The following PRKD1 variants were observed in gnomAD, a reference collection of about 807,000 sequenced individuals.
PRKD1 encodes protein kinase D1, also known as serine/threonine-protein kinase D1.
PRKD1 carries 63 observed loss-of-function variants against 95.9 expected under a neutral mutation model. The ratio of observed to expected loss-of-function variants is 0.66; its 90% confidence interval spans 0.54 to 0.81. PRKD1 has a LOEUF of 0.81. Among genes scored for constraint, PRKD1 ranks in the 30% least tolerant of loss-of-function variants. The pLI is 0.00. For missense variants in PRKD1, 1,048 were observed against 1,165.3 expected (o/e 0.90, Z 1.47); for synonymous variants, 425 against 423.1 (o/e 1.00, Z -0.05).
intron 1 of PRKD1, among the ~76,000 whole-genome samples, chr14:29,917,817 A>T (rs1210602363): frequency 6.6e-6 from 1 of 152,182 alleles, no homozygotes; most frequent in Non-Finnish European, 1.5e-5. Context: ...AAACAAAATA[A>T]AACATAACGC....
intron 1 of PRKD1, among the ~76,000 whole-genome samples, chr14:29,863,795 G>A (rs1026550891): frequency 1.3e-5 from 2 of 152,144 alleles, no homozygotes; most frequent in East Asian, 3.9e-4. Flanking sequence ...CATTATATCT[G>A]GAGAACTGTG....
At chr14:29,622,389 T>TTCCTTCCTTCA (rs1566492875) in intron 13 of PRKD1, among the ~76,000 whole-genome samples, 1 of 13,130 alleles carries the variant, frequency 7.6e-5, no homozygotes, top group Non-Finnish European at 1.6e-4. Flanking sequence ...TCCTTCCTTC[T>TTCCTTCCTTCA]TTCCTTCCTT....
At chr14:29,643,832 T>A (rs1880956723) in intron 4 of PRKD1, among the ~76,000 whole-genome samples, 1 of 152,180 alleles carries the variant, frequency 6.6e-6, no homozygotes, top group Admixed American at 6.5e-5. Flanking sequence ...AAAAAATGGC[T>A]CAAATGAAAA....
intron 13 of PRKD1, among the ~76,000 whole-genome samples, chr14:29,605,789 T>C (rs936589133): frequency 1.3e-5 from 2 of 152,236 alleles, no homozygotes; most frequent in Admixed American, 6.5e-5. Flanking sequence ...TTACTTTTCA[T>C]TAAGTGAATA....
At chr14:29,579,390 T>C (rs1444853130) in intron 16 of PRKD1, among the ~76,000 whole-genome samples, 2 of 152,132 alleles carry the variant, frequency 1.3e-5, no homozygotes, top group Non-Finnish European at 2.9e-5. Flanking sequence ...GAGTTAATTT[T>C]TGCCCTTAAC....
intron 1 of PRKD1, among the ~76,000 whole-genome samples, chr14:29,745,562 G>A (rs1199378482): frequency 6.6e-6 from 1 of 152,094 alleles, no homozygotes. Context: ...TTGAACTCCT[G>A]GGCTCAAGCA....
intron 13 of PRKD1, among the ~76,000 whole-genome samples, chr14:29,623,491 A>G (rs1879414042): frequency 6.6e-6 from 1 of 152,222 alleles, no homozygotes; most frequent in Non-Finnish European, 1.5e-5. Flanking sequence ...GAATTTATCA[A>G]TGATCTCAAC....
At chr14:29,685,913 AAGAC>A (rs1396439653) in intron 2 of PRKD1, among the ~76,000 whole-genome samples, 1 of 152,206 alleles carries the variant, frequency 6.6e-6, no homozygotes, top group East Asian at 1.9e-4. Context: ...TTCTAACAGT[AAGAC>A]AGATTCTCAT....
chr14:29,591,754 C>T (rs983930476), intron 16 of PRKD1, among the ~76,000 whole-genome samples: 1 of 152,064 alleles, frequency 6.6e-6, no homozygotes, highest in Non-Finnish European at 1.5e-5. Flanking sequence ...TTTTTAAGCT[C>T]CACACCCCTG....
chr14:29,896,935 TA>T (rs1226185513), intron 1 of PRKD1, among the ~76,000 whole-genome samples: 1 of 151,990 alleles, frequency 6.6e-6, no homozygotes, highest in South Asian at 2.1e-4. Context: ...GTTCTCTAAA[TA>T]TTTTTCCTTT....
intron 2 of PRKD1, among the ~76,000 whole-genome samples, chr14:29,691,013 C>T (rs1884201859): frequency 6.6e-6 from 1 of 152,180 alleles, no homozygotes; most frequent in Non-Finnish European, 1.5e-5. Context: ...CAGGGCTGTG[C>T]TGAGCACCAT....
intron 1 of PRKD1, among the ~76,000 whole-genome samples, chr14:29,751,927 G>A (rs1887496491): frequency 6.6e-6 from 1 of 152,136 alleles, no homozygotes; most frequent in African/African-American, 2.4e-5. Context: ...AATAAATGGG[G>A]ATATTTTCTT....
intron 1 of PRKD1, among the ~76,000 whole-genome samples, chr14:29,887,410 C>A (rs1893751279): frequency 6.6e-6 from 1 of 152,090 alleles, no homozygotes; most frequent in Non-Finnish European, 1.5e-5. Context: ...ATTACTGATG[C>A]AATTAGACCA....
At chr14:29,677,909 T>C (rs1240277836) in intron 2 of PRKD1, among the ~76,000 whole-genome samples, 1 of 152,208 alleles carries the variant, frequency 6.6e-6, no homozygotes, top group African/African-American at 2.4e-5. Flanking sequence ...CCTTACATTG[T>C]ATAGTTAAAT....
At chr14:29,831,534 T>C (rs118074287) in intron 1 of PRKD1, among the ~76,000 whole-genome samples, 1,581 of 148,788 alleles carry the variant, frequency 0.011, 14 homozygotes, top group Non-Finnish European at 0.013. Flanking sequence ...AATGGCCCAA[T>C]CTCGGTTCAC....
intron 2 of PRKD1, among the ~76,000 whole-genome samples, chr14:29,719,403 G>A (rs1885777927): frequency 1.3e-5 from 2 of 152,264 alleles, no homozygotes; most frequent in South Asian, 2.1e-4. Flanking sequence ...AATGGTTCCT[G>A]AAGCTCACTG....
chr14:29,659,221 G>A (rs1175350071), intron 4 of PRKD1, among the ~76,000 whole-genome samples: 4 of 152,144 alleles, frequency 2.6e-5, no homozygotes. Context: ...GGTTTTGCTT[G>A]ATTTGAACTT....
Position 29,806,263 on chromosome 14 carries a change from T to C in PRKD1, c.265-80589A>G, listed in dbSNP as rs575706391. On this transcript the variant is annotated intron_variant, in intron 1 of 17. Transcript: ENST00000331968. Reference sequence around the variant, plus strand: ...CCCTCTCTTCTTCCTACAGGATGGATTGGACATTTTGCTTCTAACTAGCAA... The same window carrying C: ...CCCTCTCTTCTTCCTACAGGATGGACTGGACATTTTGCTTCTAACTAGCAA... 2.6e-4 allele frequency among the ~76,000 whole-genome samples: 39 copies of C among 152,362 alleles called. 1 individual carries two copies. In the South Asian group the frequency reaches 7.7e-3, roughly 30 times the overall value.
In PRKD1 at chr14:29,647,221, G is replaced by T. The variant is rs139859799; in HGVS notation, c.697-8317C>A. Among the ~76,000 whole-genome samples the T allele has an allele frequency of 2.1e-3, 315 of 152,230 alleles. 1 individual carries two copies. Among genetic ancestry groups the T allele is most frequent in the Middle Eastern group, 0.014 (4 of 294 alleles). Reference sequence around the variant, plus strand: ...ATATAATCTCTTACTAAAATACAAGGTGATCTGGATTTGCTGAGTGCTAAA... The same window carrying T: ...ATATAATCTCTTACTAAAATACAAGTTGATCTGGATTTGCTGAGTGCTAAA... On this transcript the variant is annotated intron_variant, in intron 4 of 17. Coordinates refer to ENST00000331968, the MANE Select transcript of PRKD1 (RefSeq NM_002742.3).
Sources: gnomAD v4.1 joint callset for allele counts (sites outside exome capture counted in the v4.1 genomes callset) on GRCh38, gnomAD v4.1.1 for gene constraint, MANE v1.5 for transcripts, NCBI Gene and HGNC (gene_info 2026-07-23, HGNC 2026-07-21) for gene names.